ASIP: variants seen among roughly 807,000 people sequenced by gnomAD.
ASIP encodes the protein agouti-signaling protein.
Under a neutral mutation model 10.3 loss-of-function variants are expected in ASIP, and 11 were observed. That is an observed-to-expected ratio of 1.07 (90% CI 0.68 to 1.78). The LOEUF is 1.78. Ranked by LOEUF, ASIP falls within the 40% of genes most tolerant of loss-of-function variation. ASIP has a pLI of 0.00. For synonymous variants in ASIP, 70 were observed against 70.8 expected (o/e 0.99, Z 0.06); for missense variants, 180 against 169.2 (o/e 1.06, Z -0.35).
chr20:34,235,847 AG>A (rs1568756079), intron 1 of ASIP, among the ~76,000 whole-genome samples: 3 of 46,372 alleles, frequency 6.5e-5, no homozygotes, highest in African/African-American at 2.8e-4. Flanking sequence ...GAAAGAAGGA[AG>A]GAAGGAAGGA....
chr20:34,214,202 A>T, intron 1 of ASIP: 1 of 1,316,776 alleles, frequency 7.6e-7, no homozygotes, highest in Non-Finnish European at 1.1e-6. Context: ...GCTTATTGAG[A>T]GATTTGACAA....
At chr20:34,246,376 C>G in intron 1 of ASIP, 1 of 1,454,008 alleles carries the variant, frequency 6.9e-7, no homozygotes, top group Non-Finnish European at 9.4e-7. Flanking sequence ...TCTTCTCTAA[C>G]CATTGTTTAC....
chr20:34,263,614 C>T (rs957896495), intron 3 of ASIP, among the ~76,000 whole-genome samples: 5 of 150,926 alleles, frequency 3.3e-5, no homozygotes, highest in African/African-American at 7.3e-5. Flanking sequence ...CTCTTGAACA[C>T]ATGTGTTTGA....
At chr20:34,241,536 T>G in intron 1 of ASIP, 47 bp downstream of exon 1, 10 of 985,408 alleles carry the variant, frequency 1.0e-5, no homozygotes, top group Non-Finnish European at 1.2e-5. Context: ...GTGAAGCTGC[T>G]GCTACTTTGG....
chr20:34,223,616 G>A (rs1467789791), intron 1 of ASIP, among the ~76,000 whole-genome samples: 8 of 139,166 alleles, frequency 5.7e-5, no homozygotes, highest in African/African-American at 1.8e-4. Flanking sequence ...CCCCCCGCCC[G>A]GCCAGCCGCC....
At chr20:34,260,676 G>A in intron 2 of ASIP, 142 bp downstream of exon 2, 1 of 1,028,036 alleles carries the variant, frequency 9.7e-7, no homozygotes, top group South Asian at 2.0e-5. Context: ...GGAGAATAAG[G>A]TGGCCCTTGA....
At chr20:34,202,894 C>A (rs1435517862) in intron 1 of ASIP, among the ~76,000 whole-genome samples, 1 of 149,784 alleles carries the variant, frequency 6.7e-6, no homozygotes, top group Non-Finnish European at 1.5e-5. Flanking sequence ...CTGCAAGCTC[C>A]GCCTCCCAGG....
intron 1 of ASIP, among the ~76,000 whole-genome samples, chr20:34,245,516 T>C (rs1216576527): frequency 6.6e-6 from 1 of 151,200 alleles, no homozygotes; most frequent in African/African-American, 2.4e-5. Context: ...GCCTCCTGAG[T>C]AGCTGGGACT....
At chr20:34,200,793 G>A (rs1290782834) in intron 1 of ASIP, among the ~76,000 whole-genome samples, 1 of 152,130 alleles carries the variant, frequency 6.6e-6, no homozygotes, top group African/African-American at 2.4e-5. Flanking sequence ...ATTCCAAAAT[G>A]TTAGACATAC....
intron 1 of ASIP, among the ~76,000 whole-genome samples, chr20:34,255,131 T>C (rs1006932938): frequency 6.6e-6 from 1 of 152,120 alleles, no homozygotes; most frequent in Non-Finnish European, 1.5e-5. Flanking sequence ...TTATGAAGTG[T>C]TCAGAGCAAG....
chr20:34,253,298 G>C (rs958680797), intron 1 of ASIP, among the ~76,000 whole-genome samples: 1 of 151,150 alleles, frequency 6.6e-6, no homozygotes, highest in African/African-American at 2.4e-5. Flanking sequence ...AGTAGAGACG[G>C]GGTTTCACCA....
chr20:34,257,533 A>T (rs1033689495), intron 1 of ASIP, among the ~76,000 whole-genome samples: 2 of 152,174 alleles, frequency 1.3e-5, no homozygotes, highest in Non-Finnish European at 2.9e-5. Flanking sequence ...CAGAATAAAA[A>T]TTTTAAATAT....
At chr20:34,213,422 G>C in intron 1 of ASIP, 1 of 829,038 alleles carries the variant, frequency 1.2e-6, no homozygotes, top group Non-Finnish European at 1.9e-6. Flanking sequence ...CCTGAAAAAT[G>C]TGAAAGTGGC....
chr20:34,195,960 G>T (rs1214289414), intron 1 of ASIP, among the ~76,000 whole-genome samples: 9 of 152,036 alleles, frequency 5.9e-5, no homozygotes. Flanking sequence ...GCTTCTTTGA[G>T]ACAGCCTGCA....
chr20:34,242,657 T>TGGA lies in ASIP; in HGVS notation c.-11+1168_-11+1169insGGA, dbSNP rs1289944734. Among the ~76,000 whole-genome samples the TGGA allele has an allele frequency of 3.9e-5, 6 of 152,392 alleles. No homozygotes were observed. In the South Asian group the frequency reaches 1.0e-3, roughly 26 times the overall value. On this transcript the variant is annotated intron_variant, in intron 1 of 3. Coordinates refer to ENST00000374954, the MANE Select transcript of ASIP (RefSeq NM_001672.3). ...TAAATGTCTGTCTCAAAACCTTTTC[T>TGGA]ACTTTCTCCAAATAGAACTAATGCA...
chr20:34,254,412 T>C (rs900332809), intron 1 of ASIP, among the ~76,000 whole-genome samples: 1 of 152,184 alleles, frequency 6.6e-6, no homozygotes, highest in African/African-American at 2.4e-5. Flanking sequence ...CTCTAATGAG[T>C]AATAACAGCA....
intron 1 of ASIP, among the ~76,000 whole-genome samples, chr20:34,232,978 G>A (rs1278088476): frequency 6.6e-6 from 1 of 152,118 alleles, no homozygotes; most frequent in African/African-American, 2.4e-5. Flanking sequence ...ACTTCCTGGA[G>A]TTTAACGTGT....
In ASIP at chr20:34,268,995, A is replaced by C. The variant is rs1209709140; in HGVS notation, c.227A>C (p.Glu76Ala). Reference sequence around the variant, plus strand: ...GCCCCGGCGTTTCCCACGCAGAAGGAGGCTTCGATGAAGAAAGTGGTGCGG... The same window carrying C: ...GCCCCGGCGTTTCCCACGCAGAAGGCGGCTTCGATGAAGAAAGTGGTGCGG... Reference protein sequence around the residue: ...AAEKKRSSKKEASMKKVVRPR... With the variant: ...AAEKKRSSKKAASMKKVVRPR... The change falls in exon 4 of 4, where the codon GAG becomes GCG. Residue 76 changes from glutamate (E) to alanine (A), a missense_variant. Physicochemically the swap from Glu to Ala is moderately radical, Grantham distance 107. Transcript: ENST00000374954. 1 of 1,604,602 alleles carries C rather than the reference A, an allele frequency of 6.2e-7. No homozygotes were observed. The highest frequency in any genetic ancestry group is 1.1e-5 in the South Asian group (1 of 89,304).
In ASIP at chr20:34,235,958, AAGGAAGGAG is replaced by A. The variant is rs548355748; in HGVS notation, c.-10-24406_-10-24398del. The stretch of plus-strand genomic sequence containing the variant: ...GGAGGGAGGGAAGAAGGAAGGAAGG[AAGGAAGGAG>A]GGAGGGAGGGAAGAAGGAAAGAAGG... On this transcript the variant is annotated intron_variant, in intron 1 of 3. Transcript: ENST00000568305. 1.8e-4 allele frequency among the ~76,000 whole-genome samples: 15 copies of A among 84,826 alleles called. No homozygotes were observed. In the African/African-American group the frequency reaches 3.5e-3, roughly 20 times the overall value. 55.6% of individuals were successfully genotyped at this position (84,826 alleles called of 152,430 possible).
Sources: gnomAD v4.1 joint callset for allele counts (sites outside exome capture counted in the v4.1 genomes callset) on GRCh38, gnomAD v4.1.1 for gene constraint, MANE v1.5 for transcripts, NCBI Gene and HGNC (gene_info 2026-07-23, HGNC 2026-07-21) for gene names.